MINDY4: variants seen among roughly 807,000 people sequenced by gnomAD.
The protein encoded by MINDY4 is MINDY lysine 48 deubiquitinase 4.
MINDY4 carries 68 observed loss-of-function variants against 87.0 expected under a neutral mutation model. That is an observed-to-expected ratio of 0.78 (90% CI 0.64 to 0.96). The LOEUF (loss-of-function observed/expected upper bound fraction) is 0.96. Ranked by LOEUF, MINDY4 falls within the 40% of genes least tolerant of loss-of-function variation. MINDY4 has a pLI of 0.00. For missense variants in MINDY4, 919 were observed against 928.2 expected, an observed-to-expected ratio of 0.99 and a Z score of 0.13; for synonymous variants, 379 against 363.2, an observed-to-expected ratio of 1.04 and a Z score of -0.50.
At chr7:30,846,098 G>A (rs982507589) in intron 9 of MINDY4, among the ~76,000 whole-genome samples, 5 of 152,170 alleles carry the variant, frequency 3.3e-5, no homozygotes, top group Middle Eastern at 3.2e-3. Flanking sequence ...TCTGAAGTTG[G>A]GGAATTCGAG....
intron 10 of MINDY4, 150 bp from the exon 11 acceptor site, chr7:30,852,066 T>A (rs536914840): frequency 4.4e-4 from 350 of 789,348 alleles, no homozygotes; most frequent in Non-Finnish European, 6.4e-4. Context: ...GAGTTCAAAG[T>A]GGGGAAAAAT....
At chr7:30,890,178 G>T (rs994343652) in intron 17 of MINDY4, among the ~76,000 whole-genome samples, 5 of 152,226 alleles carry the variant, frequency 3.3e-5, no homozygotes, top group Non-Finnish European at 7.3e-5. Context: ...GTGTTTTCCA[G>T]CATCCACCTG....
rs575112477 is a variant in MINDY4, at chr7:30,843,904, C to T, written c.1445+3056C>T. ...TCATGTGTGGAGGTGTGCCAGGTGC[C>T]AAGGAGCCAGACCTTATGGGGGGGC... On this transcript the variant is annotated intron_variant, in intron 9 of 17. Transcript: ENST00000265299. Among the ~76,000 whole-genome samples, 31 of 152,234 alleles carry T rather than the reference C, an allele frequency of 2.0e-4. 1 individual carries two copies. The highest frequency in any genetic ancestry group is 3.4e-3 in the Middle Eastern group (1 of 294).
Position 30,892,011 on chromosome 7 carries a change from G to A in MINDY4, c.*6G>A. 6.2e-7 allele frequency: 1 copy of A among 1,614,126 alleles called. No homozygotes were observed. Among genetic ancestry groups the A allele is most frequent in the Non-Finnish European group, 8.5e-7 (1 of 1,179,972 alleles). On this transcript the variant is annotated 3_prime_UTR_variant, in exon 18 of 18. Coordinates refer to ENST00000265299, the MANE Select transcript of MINDY4 (RefSeq NM_032222.3). ...GCTCAGACCCCATCCTGTGACCGTT[G>A]GATGTGGGTAAACCCTGTGGTCCAC...
intron 6 of MINDY4, among the ~76,000 whole-genome samples, chr7:30,830,283 G>T (rs939642498): frequency 6.6e-6 from 1 of 152,174 alleles, no homozygotes; most frequent in Non-Finnish European, 1.5e-5. Context: ...GGGGTGGGTA[G>T]GACAAAGGAA....
rs1790491474 is a variant in MINDY4, at chr7:30,882,372, T to TCAGCCCCCCCCCCCCCCCCCCCCCCC, written c.2152+13_2152+14insGCCCCCCCCCCCCCCCCCCCCCCCCA. On this transcript the variant is annotated intron_variant, in intron 16 of 17. Coordinates refer to ENST00000265299, the MANE Select transcript of MINDY4 (RefSeq NM_032222.3). ...TCCGGCTGACCATTGGTGCGGGCCC[T>TCAGCCCCCCCCCCCCCCCCCCCCCCC]CACCCCCCCACCCACCCAACCCTGT... The TCAGCCCCCCCCCCCCCCCCCCCCCCC allele has an allele frequency of 6.6e-7, 1 of 1,521,498 alleles. No individual in the cohort carries two copies. The allele number at this position is 1,521,498 out of a possible 1,614,324, so 94.2% of individuals were successfully genotyped here. A position where few individuals can be genotyped will look rare whatever the true frequency, so the allele number is the denominator to read the frequency against.
chr7:30,781,949 A>G (rs749443314), intron 2 of MINDY4, 28 bp from the exon 3 acceptor site: 20 of 1,507,136 alleles, frequency 1.3e-5, no homozygotes, highest in Admixed American at 1.0e-4. Context: ...ATATAAATTA[A>G]TGATTTTTTT....
chr7:30,782,342 TTGTGTG>T (rs56380069), intron 3 of MINDY4, 130 bp downstream of exon 3: 10,694 of 564,750 alleles, frequency 0.019, 47 homozygotes, highest in African/African-American at 0.051. Context: ...GTGTGTATGT[TTGTGTG>T]TGTGTGTGTG....
At position 30,838,397 on chromosome 7, in the gene MINDY4, G is replaced by T. The variant is rs111329236; in HGVS notation, c.1240-803G>T. Among the ~76,000 whole-genome samples, 655 of 152,292 alleles carry T rather than the reference G, an allele frequency of 4.3e-3. 12 individuals are homozygous for T. Among genetic ancestry groups the T allele is most frequent in the African/African-American group, 0.015 (627 of 41,554 alleles). On this transcript the variant is annotated intron_variant, in intron 7 of 17. Coordinates refer to ENST00000265299, the MANE Select transcript of MINDY4 (RefSeq NM_032222.3). ...AGAGTTCACGGGGGACCACTCATGG[G>T]CGGCATCACAGAGGAGGTTCTTACG...
At position 30,785,670 on chromosome 7, in the gene MINDY4, A is replaced by G. The variant is rs1004878096; in HGVS notation, c.420-79A>G. 1.9e-6 allele frequency: 3 copies of G among 1,539,366 alleles called. No homozygotes were observed. In the Admixed American group the frequency reaches 5.2e-5, roughly 27 times the overall value. ...ATTAATGGGCTTGCTTTGAATGCAC[A>G]TTGAATGTGGAATTTGCTATCTTTG... On this transcript the variant is annotated intron_variant, in intron 3 of 17. Coordinates refer to ENST00000265299, the MANE Select transcript of MINDY4 (RefSeq NM_032222.3).
chr7:30,860,157 C>G (rs1789705013), intron 13 of MINDY4, among the ~76,000 whole-genome samples: 1 of 152,112 alleles, frequency 6.6e-6, no homozygotes, highest in Non-Finnish European at 1.5e-5. Context: ...GAACAGCTCT[C>G]AGCAGGTGGG....
chr7:30,789,443 T>C (rs907355318), intron 4 of MINDY4, among the ~76,000 whole-genome samples: 8 of 152,230 alleles, frequency 5.3e-5, no homozygotes, highest in African/African-American at 1.9e-4. Context: ...GCCGTACTTA[T>C]TGGTTGCTCA....
intron 17 of MINDY4, among the ~76,000 whole-genome samples, chr7:30,886,882 C>A (rs1703391431): frequency 6.6e-6 from 1 of 152,120 alleles, no homozygotes; most frequent in African/African-American, 2.4e-5. Context: ...AGCAAAAAAA[C>A]AGGCTAATTT....
chr7:30,831,460 A>G (rs1423039574), intron 6 of MINDY4, among the ~76,000 whole-genome samples: 1 of 152,166 alleles, frequency 6.6e-6, no homozygotes, highest in Non-Finnish European at 1.5e-5. Context: ...ATAGAAAGAT[A>G]AGGACATATT....
At chr7:30,880,305 C>A (rs1315580762) in intron 15 of MINDY4, among the ~76,000 whole-genome samples, 2 of 144,214 alleles carry the variant, frequency 1.4e-5, no homozygotes, top group South Asian at 5.1e-4. Context: ...CCCCCGCACC[C>A]CCCCCCACCC....
At chr7:30,854,642 G>C (rs1315520967) in intron 12 of MINDY4, among the ~76,000 whole-genome samples, 1 of 152,216 alleles carries the variant, frequency 6.6e-6, no homozygotes, top group Admixed American at 6.5e-5. Flanking sequence ...GGAGGGTTTG[G>C]TGGTAAGCCG....
intron 12 of MINDY4, chr7:30,859,049 C>T (rs1486853473): frequency 4.2e-6 from 3 of 713,910 alleles, no homozygotes; most frequent in South Asian, 1.5e-5. Context: ...CTGCATCACC[C>T]TCGCTCTGCT....
intron 5 of MINDY4, among the ~76,000 whole-genome samples, chr7:30,814,547 C>CT (rs1788095047): frequency 6.6e-6 from 1 of 152,182 alleles, no homozygotes; most frequent in African/African-American, 2.4e-5. Flanking sequence ...TCTTATGCTG[C>CT]TTTCTACACA....
intron 5 of MINDY4, among the ~76,000 whole-genome samples, chr7:30,818,368 GT>G (rs1788227335): frequency 1.3e-5 from 2 of 152,198 alleles, no homozygotes; most frequent in South Asian, 4.2e-4. Context: ...TAGAATCAAG[GT>G]TGTGGTAACC....
Sources: allele counts gnomAD v4.1 joint callset (sites outside exome capture counted in the v4.1 genomes callset), GRCh38; gene constraint gnomAD v4.1.1; transcripts MANE v1.5; gene names NCBI Gene and HGNC (gene_info 2026-07-23, HGNC 2026-07-21).